KIAA1217: variants seen among roughly 807,000 people sequenced by gnomAD.
The protein encoded by KIAA1217 is sickle tail protein homolog.
In KIAA1217, 88 loss-of-function variants were observed where a neutral mutation model predicts 163.9. The ratio of observed to expected loss-of-function variants is 0.54; its 90% confidence interval spans 0.45 to 0.64. The LOEUF is 0.64. Ranked by LOEUF, KIAA1217 falls within the 30% of genes least tolerant of loss-of-function variation. KIAA1217 has a pLI of 0.00. For synonymous variants in KIAA1217, 903 were observed against 923.1 expected (o/e 0.98, Z 0.39); for missense variants, 2,372 against 2,475.0 (o/e 0.96, Z 0.88).
intron 2 of KIAA1217, among the ~76,000 whole-genome samples, chr10:24,123,923 A>G (rs550416044): frequency 3.3e-5 from 5 of 152,334 alleles, no homozygotes; most frequent in South Asian, 2.1e-4. Flanking sequence ...GAACTGTGTT[A>G]TATATTAGTA....
intron 2 of KIAA1217, among the ~76,000 whole-genome samples, chr10:24,057,978 G>A (rs1039419697): frequency 1.3e-5 from 2 of 152,106 alleles, no homozygotes; most frequent in South Asian, 4.1e-4. Flanking sequence ...TCATTGCTGA[G>A]GCCAATGTCA....
chr10:24,539,770 C>A, intron 17 of KIAA1217, among the ~76,000 whole-genome samples: 1 of 152,182 alleles, frequency 6.6e-6, no homozygotes, highest in East Asian at 1.9e-4. Flanking sequence ...TTATTAACCT[C>A]TTCCAGGGCT....
At chr10:23,772,064 G>A (rs888165754) in intron 1 of KIAA1217, among the ~76,000 whole-genome samples, 2 of 152,190 alleles carry the variant, frequency 1.3e-5, no homozygotes, top group South Asian at 4.1e-4. Context: ...TGATTTAAAT[G>A]TTAGTAAATA....
chr10:24,494,878 T>C, intron 7 of KIAA1217: 1 of 576,330 alleles, frequency 1.7e-6, no homozygotes, highest in Non-Finnish European at 3.1e-6. Context: ...CCACTCACCG[T>C]GCAGTGCCTG....
intron 2 of KIAA1217, among the ~76,000 whole-genome samples, chr10:24,017,040 G>GTT (rs35042335): frequency 7.8e-4 from 101 of 130,238 alleles, no homozygotes; most frequent in African/African-American, 2.9e-3. Context: ...TAGTTTTTTT[G>GTT]TTTTTTTTTT....
chr10:23,818,351 A>AAAAAT (rs374977941), intron 1 of KIAA1217, among the ~76,000 whole-genome samples: 27 of 134,894 alleles, frequency 2.0e-4, no homozygotes, highest in East Asian at 6.3e-4. Context: ...TATATAAAAA[A>AAAAAT]ATATATATAT....
intron 2 of KIAA1217, among the ~76,000 whole-genome samples, chr10:24,347,532 A>C (rs907264063): frequency 6.6e-6 from 1 of 152,224 alleles, no homozygotes; most frequent in African/African-American, 2.4e-5. Flanking sequence ...GTGGGAGATT[A>C]ATTGTTGGGA....
At chr10:23,821,846 C>T (rs562221966) in intron 1 of KIAA1217, among the ~76,000 whole-genome samples, 53 of 152,252 alleles carry the variant, frequency 3.5e-4, no homozygotes, top group African/African-American at 1.3e-3. Flanking sequence ...AGGAAGGGGC[C>T]TCCAGCTCTT....
chr10:23,703,795 C>G (rs1165323564), intron 1 of KIAA1217, among the ~76,000 whole-genome samples: 1 of 151,962 alleles, frequency 6.6e-6, no homozygotes, highest in African/African-American at 2.4e-5. Flanking sequence ...GGTCAGCAAA[C>G]TTGTTGTATA....
At chr10:24,353,092 A>T (rs1050578449) in intron 2 of KIAA1217, among the ~76,000 whole-genome samples, 16 of 151,980 alleles carry the variant, frequency 1.1e-4, no homozygotes, top group African/African-American at 3.9e-4. Flanking sequence ...TGAGATAGAG[A>T]TGTTCTATCC....
Position 24,488,803 on chromosome 10 carries a change from A to G in KIAA1217, c.1680-5697A>G, listed in dbSNP as rs182515125. 3.1e-3 allele frequency among the ~76,000 whole-genome samples: 466 copies of G among 152,318 alleles called. 5 individuals are homozygous for G. Among genetic ancestry groups the G allele is most frequent in the African/African-American group, 0.01 (428 of 41,576 alleles). On this transcript the variant is annotated intron_variant, in intron 6 of 20. Transcript: ENST00000376454. ...GCATAGCCTCGCTTTAAACCTGTTC[A>G]CTATTGCATCCTGGAAAAATGCCTT...
At chr10:24,482,480 C>T (rs1467700612) in intron 6 of KIAA1217, 3 of 152,220 alleles carry the variant, frequency 2.0e-5, no homozygotes, top group Non-Finnish European at 2.9e-5. Flanking sequence ...TCGTGGGGTT[C>T]CCACCCAACC....
At chr10:24,027,825 A>G (rs1183925585) in intron 2 of KIAA1217, among the ~76,000 whole-genome samples, 1 of 152,128 alleles carries the variant, frequency 6.6e-6, no homozygotes, top group Non-Finnish European at 1.5e-5. Flanking sequence ...AATAAGACCT[A>G]TCGCCCAATC....
chr10:23,705,501 A>C (rs146820307), intron 1 of KIAA1217, among the ~76,000 whole-genome samples: 17 of 152,268 alleles, frequency 1.1e-4, no homozygotes, highest in African/African-American at 4.1e-4. Flanking sequence ...AACATTTGTG[A>C]AAAGTAATCA....
chr10:24,474,076 G>C lies in KIAA1217; in HGVS notation c.1679+16G>C. The stretch of plus-strand genomic sequence containing the variant: ...GAGAGACCAGGTAAGGTGCAGTGAG[G>C]GTGACCGAGGGTGGTACCTGGGCCC... On this transcript the variant is annotated intron_variant, in intron 6 of 20. Transcript: ENST00000376454. The C allele has an allele frequency of 3.2e-6, 5 of 1,558,282 alleles. No homozygotes were observed. Among genetic ancestry groups the C allele is most frequent in the Non-Finnish European group, 4.4e-6 (5 of 1,149,332 alleles).
intron 2 of KIAA1217, among the ~76,000 whole-genome samples, chr10:24,349,699 A>T (rs900592424): frequency 6.6e-6 from 1 of 152,226 alleles, no homozygotes; most frequent in Non-Finnish European, 1.5e-5. Flanking sequence ...GAAAGCCATT[A>T]AGGAAAATGA....
intron 2 of KIAA1217, among the ~76,000 whole-genome samples, chr10:24,109,006 A>G (rs937084642): frequency 6.6e-6 from 1 of 151,778 alleles, no homozygotes; most frequent in Non-Finnish European, 1.5e-5. Flanking sequence ...TGTTTTTTGT[A>G]TTTTTAGTAG....
At chr10:23,956,426 A>G (rs181848402) in intron 1 of KIAA1217, among the ~76,000 whole-genome samples, 1 of 152,122 alleles carries the variant, frequency 6.6e-6, no homozygotes, top group Non-Finnish European at 1.5e-5. Context: ...ACATAATTGA[A>G]GACATATCCT....
intron 1 of KIAA1217, among the ~76,000 whole-genome samples, chr10:23,864,072 GTTATTATTA>G (rs148144520): frequency 0.18 from 26,112 of 149,130 alleles, 2,403 homozygotes; most frequent in Middle Eastern, 0.21. Flanking sequence ...TTGTAAAGTA[GTTATTATTA>G]TTATTATTAT....
Sources: gnomAD v4.1 joint callset for allele counts (sites outside exome capture counted in the v4.1 genomes callset) on GRCh38, gnomAD v4.1.1 for gene constraint, MANE v1.5 for transcripts, NCBI Gene and HGNC (gene_info 2026-07-23, HGNC 2026-07-21) for gene names.